The following FGGY variants were observed in gnomAD, a reference collection of about 807,000 sequenced individuals.
The protein encoded by FGGY is FGGY carbohydrate kinase domain-containing protein.
FGGY carries 72 observed loss-of-function variants against 71.3 expected under a neutral mutation model. That is an observed-to-expected ratio of 1.01 (90% CI 0.84 to 1.23). The LOEUF is 1.23. Ranked by LOEUF, FGGY falls within the 50% of genes most tolerant of loss-of-function variation. FGGY has a pLI of 0.00. For missense variants in FGGY, 668 were observed against 682.3 expected, an observed-to-expected ratio of 0.98 and a Z score of 0.23; for synonymous variants, 251 against 250.3, an observed-to-expected ratio of 1.00 and a Z score of -0.02.
intron 7 of FGGY, among the ~76,000 whole-genome samples, chr1:59,530,648 T>C (rs906477877): frequency 6.6e-6 from 1 of 152,232 alleles, no homozygotes; most frequent in Non-Finnish European, 1.5e-5. Context: ...ATTTATCAGA[T>C]GGACAAGACG....
intron 14 of FGGY, among the ~76,000 whole-genome samples, chr1:59,751,612 T>A (rs1051207080): frequency 6.6e-6 from 1 of 152,238 alleles, no homozygotes; most frequent in East Asian, 1.9e-4. Context: ...TTAATAATTT[T>A]AAAATGATTT....
At chr1:59,551,787 A>G (rs1250413265) in intron 7 of FGGY, among the ~76,000 whole-genome samples, 1 of 152,168 alleles carries the variant, frequency 6.6e-6, no homozygotes, top group Non-Finnish European at 1.5e-5. Context: ...TACCAATGAC[A>G]TTAGTTTGTT....
At chr1:59,684,332 A>G (rs61454065) in intron 14 of FGGY, among the ~76,000 whole-genome samples, 30,067 of 152,046 alleles carry the variant, frequency 0.2, 3,250 homozygotes, top group Admixed American at 0.31. Context: ...GAAAGATTCC[A>G]TTGCAATTAC....
intron 5 of FGGY, among the ~76,000 whole-genome samples, chr1:59,394,216 C>T (rs1261566608): frequency 6.6e-6 from 1 of 152,216 alleles, no homozygotes; most frequent in Non-Finnish European, 1.5e-5. Flanking sequence ...TAAAAGGGAC[C>T]TACATCCTCA....
At chr1:59,331,768 T>A (rs1444816399) in intron 2 of FGGY, 1 of 152,184 alleles carries the variant, frequency 6.6e-6, no homozygotes, top group African/African-American at 2.4e-5. Context: ...CTGCACAGCC[T>A]GACCCTAGAA....
intron 9 of FGGY, among the ~76,000 whole-genome samples, chr1:59,615,791 A>G (rs549318825): frequency 2.0e-5 from 3 of 152,298 alleles, no homozygotes; most frequent in Admixed American, 2.0e-4. Context: ...AACTCAAACA[A>G]ATTCACAAGA....
At chr1:59,656,928 A>G (rs1023818643) in intron 11 of FGGY, among the ~76,000 whole-genome samples, 7 of 152,140 alleles carry the variant, frequency 4.6e-5, no homozygotes, top group African/African-American at 1.2e-4. Flanking sequence ...GTTTCTGGGG[A>G]AAAAAATTAT....
chr1:59,749,738 T>C (rs1574007707), intron 14 of FGGY, among the ~76,000 whole-genome samples: 1 of 152,184 alleles, frequency 6.6e-6, no homozygotes, highest in African/African-American at 2.4e-5. Flanking sequence ...ATTGTTGTGT[T>C]TTACCTCAAA....
At chr1:59,621,049 T>G (rs1427532532) in intron 9 of FGGY, among the ~76,000 whole-genome samples, 1 of 152,112 alleles carries the variant, frequency 6.6e-6, no homozygotes, top group Non-Finnish European at 1.5e-5. Flanking sequence ...AGGGCTCTCT[T>G]CCTAACTTGT....
chr1:59,749,797 C>A (rs1201496469), intron 14 of FGGY, among the ~76,000 whole-genome samples: 2 of 152,066 alleles, frequency 1.3e-5, no homozygotes. Flanking sequence ...TATTTTTATC[C>A]CCATTTTCTG....
At chr1:59,667,158 A>G in intron 12 of FGGY, 125 bp from the exon 13 acceptor site, 2 of 1,201,930 alleles carry the variant, frequency 1.7e-6, no homozygotes, top group Non-Finnish European at 2.4e-6. Flanking sequence ...TGTGAGTCTC[A>G]GCTTTCTGAG....
intron 1 of FGGY, among the ~76,000 whole-genome samples, chr1:59,313,676 A>T (rs2044809785): frequency 6.6e-6 from 1 of 152,210 alleles, no homozygotes; most frequent in Non-Finnish European, 1.5e-5. Context: ...GGGACTGGAG[A>T]CTATTATTCT....
intron 5 of FGGY, among the ~76,000 whole-genome samples, chr1:59,422,193 G>A (rs940802372): frequency 1.3e-5 from 2 of 152,064 alleles, no homozygotes; most frequent in African/African-American, 4.8e-5. Flanking sequence ...AGTAGTCCTG[G>A]GTAGAAATAG....
chr1:59,357,913 G>A (rs1485388342), intron 4 of FGGY, among the ~76,000 whole-genome samples: 1 of 152,212 alleles, frequency 6.6e-6, no homozygotes, highest in African/African-American at 2.4e-5. Flanking sequence ...TGTAACCAGA[G>A]AGGTACGAGG....
chr1:59,365,499 G>T (rs990986339), intron 4 of FGGY, among the ~76,000 whole-genome samples: 1 of 152,164 alleles, frequency 6.6e-6, no homozygotes, highest in African/African-American at 2.4e-5. Flanking sequence ...CTTGATCCAG[G>T]TCACTGTGGC....
At chr1:59,394,915 C>G (rs1291626500) in intron 5 of FGGY, among the ~76,000 whole-genome samples, 1 of 151,996 alleles carries the variant, frequency 6.6e-6, no homozygotes, top group African/African-American at 2.4e-5. Flanking sequence ...CTGGGCAAAC[C>G]AGGCCTTTTC....
intron 4 of FGGY, among the ~76,000 whole-genome samples, chr1:59,356,209 A>G (rs1337259417): frequency 6.6e-6 from 1 of 152,052 alleles, no homozygotes; most frequent in Non-Finnish European, 1.5e-5. Context: ...GGCTGTGGGA[A>G]TTTGTTCAAG....
intron 7 of FGGY, among the ~76,000 whole-genome samples, chr1:59,550,369 A>C (rs992988722): frequency 1.3e-5 from 2 of 152,052 alleles, no homozygotes; most frequent in African/African-American, 2.4e-5. Flanking sequence ...TAGCCCATCA[A>C]AGCACTGTGT....
At chr1:59,711,803 C>G (rs191891437) in intron 14 of FGGY, among the ~76,000 whole-genome samples, 148 of 152,328 alleles carry the variant, frequency 9.7e-4, no homozygotes, top group African/African-American at 3.3e-3. Context: ...AATCAATCAT[C>G]TCCCTCCAGG....
Sources: gnomAD v4.1 joint callset for allele counts (sites outside exome capture counted in the v4.1 genomes callset) on GRCh38, gnomAD v4.1.1 for gene constraint, MANE v1.5 for transcripts, NCBI Gene and HGNC (gene_info 2026-07-23, HGNC 2026-07-21) for gene names.